Variants in TJP1 observed in about 807,000 individuals in gnomAD.
The protein encoded by TJP1 is tight junction protein 1.
In TJP1, 43 loss-of-function variants were observed where a neutral mutation model predicts 194.2. The observed-to-expected ratio is 0.22, with a 90% CI of 0.17 to 0.29. The LOEUF is 0.29. Ranked by LOEUF, TJP1 falls within the 10% of genes least tolerant of loss-of-function variation. The pLI is 1.00. For missense variants in TJP1, 1,971 were observed against 2,185.7 expected (o/e 0.90, Z 1.96); for synonymous variants, 801 against 779.0 (o/e 1.03, Z -0.47).
At position 29,746,374 on chromosome 15, in the gene TJP1, T is replaced by C. The variant is rs1225733413; in HGVS notation, c.1011-3593A>G. ...GCCTGGACGACAGAGTGAGACTCCG[T>C]CTCAAAAAAAAAAAAAGAAAGAAAA... On this transcript the variant is annotated intron_variant, in intron 8 of 27. Coordinates refer to ENST00000614355, the MANE Select transcript of TJP1 (RefSeq NM_001330239.4). Among the ~76,000 whole-genome samples, 13 of 147,530 alleles carry C rather than the reference T, an allele frequency of 8.8e-5. No homozygotes were observed. In the South Asian group the frequency reaches 2.6e-3, roughly 29 times the overall value.
chr15:29,732,306 GA>G, intron 15 of TJP1, 126 bp downstream of exon 15: 1 of 793,204 alleles, frequency 1.3e-6, no homozygotes, highest in Non-Finnish European at 2.0e-6. Context: ...CAAATTAAAA[GA>G]ATGGGATAAA....
At chr15:29,704,776 A>T (rs1445205682) in intron 26 of TJP1, among the ~76,000 whole-genome samples, 2 of 152,216 alleles carry the variant, frequency 1.3e-5, no homozygotes, top group Non-Finnish European at 2.9e-5. Flanking sequence ...CCATTTTCAA[A>T]ATGTTTTGTT....
At chr15:29,859,860 C>T (rs980599850) in intron 2 of TJP1, among the ~76,000 whole-genome samples, 4 of 152,180 alleles carry the variant, frequency 2.6e-5, no homozygotes, top group Non-Finnish European at 5.9e-5. Flanking sequence ...TGAATCACCT[C>T]CATGATTTTC....
At chr15:29,832,827 G>A (rs539290713) in intron 2 of TJP1, among the ~76,000 whole-genome samples, 116 of 152,304 alleles carry the variant, frequency 7.6e-4, no homozygotes, top group Non-Finnish European at 1.3e-3. Context: ...CAGACACTAC[G>A]GAAACAGTCA....
intron 1 of TJP1, among the ~76,000 whole-genome samples, chr15:29,805,277 G>A (rs939802084): frequency 1.3e-5 from 2 of 152,200 alleles, no homozygotes; most frequent in Non-Finnish European, 2.9e-5. Context: ...CAACTCTGAA[G>A]GGCTTCCTGC....
chr15:29,778,805 A>G (rs1403324186), intron 2 of TJP1, among the ~76,000 whole-genome samples: 1 of 152,056 alleles, frequency 6.6e-6, no homozygotes, highest in Admixed American at 6.6e-5. Flanking sequence ...CCCAGGTTCC[A>G]TGTCACCTCA....
At chr15:29,914,083 A>G (rs2054106548) in intron 2 of TJP1, among the ~76,000 whole-genome samples, 2 of 152,218 alleles carry the variant, frequency 1.3e-5, no homozygotes, top group Non-Finnish European at 1.5e-5. Context: ...AATGTAACAT[A>G]TAGTATTGGA....
At chr15:29,803,309 G>A (rs180691542) in intron 1 of TJP1, among the ~76,000 whole-genome samples, 1 of 152,100 alleles carries the variant, frequency 6.6e-6, no homozygotes, top group East Asian at 1.9e-4. Flanking sequence ...CTGACTTTAC[G>A]ATGGTACCCA....
intron 2 of TJP1, among the ~76,000 whole-genome samples, chr15:29,934,372 C>T (rs1010246319): frequency 5.3e-5 from 8 of 152,148 alleles, no homozygotes; most frequent in African/African-American, 1.7e-4. Flanking sequence ...TGAAATACCC[C>T]ACCCATGTTT....
At chr15:29,878,570 G>T (rs2152126380) in intron 2 of TJP1, among the ~76,000 whole-genome samples, 1 of 151,938 alleles carries the variant, frequency 6.6e-6, no homozygotes. Context: ...ACAACAATCT[G>T]TTCTTAGAAT....
Position 29,718,867 on chromosome 15 carries a change from G to A in TJP1, c.3275C>T (p.Ser1092Leu), listed in dbSNP as rs201561528. ...DRVPMYEEQW[S>L]YYDDKQPYPS... ...GTAGGGCTGTTTGTCATCATAATAT[G>A]ACCACTGTTCTTCATACATGGGGAC... Residue 1092 changes from serine to leucine, a missense_variant, in exon 21 of 28, where the codon TCA becomes TTA. This residue lies in a region of TJP1 where 1,108 missense variants were observed against 1,128.5 expected (regional missense o/e 0.98). Transcript: ENST00000614355. The A allele has an allele frequency of 8.4e-5, 135 of 1,614,158 alleles. No homozygotes were observed. Among genetic ancestry groups the A allele is most frequent in the Middle Eastern group, 1.6e-4 (1 of 6,062 alleles).
chr15:29,774,314 GAAAA>G (rs201128305), intron 2 of TJP1, among the ~76,000 whole-genome samples: 1 of 140,990 alleles, frequency 7.1e-6, no homozygotes, highest in African/African-American at 2.6e-5. Flanking sequence ...AGTAGCAAAA[GAAAA>G]AAAAAAATCT....
At chr15:29,802,040 G>A (rs1357418923) in intron 1 of TJP1, among the ~76,000 whole-genome samples, 1 of 152,052 alleles carries the variant, frequency 6.6e-6, no homozygotes, top group East Asian at 1.9e-4. Flanking sequence ...TTTTAAATGG[G>A]GTTAATTGCT....
Position 29,895,799 on chromosome 15 carries a change from G to C in TJP1, c.306+60433C>G, listed in dbSNP as rs183291542. ...ACTCCCAGTACCAGTTTCTGTCTTTGTTCATTCAGGCTGCCATAACAAAAT... is the reference window on the plus strand; with the variant it reads ...ACTCCCAGTACCAGTTTCTGTCTTTCTTCATTCAGGCTGCCATAACAAAAT... On this transcript the variant is annotated intron_variant, in intron 2 of 28. Coordinates refer to the TJP1 transcript ENST00000356107. Among the ~76,000 whole-genome samples, 11 of 152,258 alleles carry C rather than the reference G, an allele frequency of 7.2e-5. No homozygotes were observed. The East Asian group carries it at 2.1e-3, about 29-fold the overall frequency.
At position 29,757,586 on chromosome 15, in the gene TJP1, G is replaced by A. The variant is rs2045725682; in HGVS notation, c.1010+3553C>T. On this transcript the variant is annotated intron_variant, in intron 8 of 27. Coordinates refer to ENST00000614355, the MANE Select transcript of TJP1 (RefSeq NM_001330239.4). ...GGATTTGAAGATTCAACTTTGGGGT[G>A]GAAATGAAACCTTTAAGCAACTGGT... Among the ~76,000 whole-genome samples, 3 of 152,166 alleles carry A rather than the reference G, an allele frequency of 2.0e-5. No homozygotes were observed. The South Asian group carries it at 6.2e-4, about 32-fold the overall frequency.
chr15:29,932,376 T>C (rs1473651240), intron 2 of TJP1, among the ~76,000 whole-genome samples: 1 of 152,086 alleles, frequency 6.6e-6, no homozygotes, highest in African/African-American at 2.4e-5. Context: ...TATAGATCAG[T>C]ATGGAAAGGA....
intron 2 of TJP1, among the ~76,000 whole-genome samples, chr15:29,785,908 A>G (rs937589716): frequency 6.6e-6 from 1 of 152,180 alleles, no homozygotes; most frequent in African/African-American, 2.4e-5. Context: ...CTACTTGCCA[A>G]TCATGACCTT....
intron 2 of TJP1, among the ~76,000 whole-genome samples, chr15:29,933,646 C>A (rs1023564713): frequency 2.6e-5 from 4 of 151,928 alleles, no homozygotes; most frequent in African/African-American, 9.7e-5. Context: ...ACACAGTCAA[C>A]AAATCTGGCC....
At chr15:29,748,116 C>T (rs544125352) in intron 8 of TJP1, among the ~76,000 whole-genome samples, 2 of 151,974 alleles carry the variant, frequency 1.3e-5, no homozygotes, top group South Asian at 2.1e-4. Context: ...GAGCTGCTTA[C>T]GTAATTAAAA....
Sources: gnomAD v4.1 joint callset for allele counts (sites outside exome capture counted in the v4.1 genomes callset) on GRCh38, gnomAD v4.1.1 for gene constraint, gnomAD v4.1.1 regional missense constraint, MANE v1.5 for transcripts, NCBI Gene and HGNC (gene_info 2026-07-23, HGNC 2026-07-21) for gene names.